Variants in MYO3B observed in about 807,000 individuals in gnomAD.
The protein encoded by MYO3B is myosin IIIB, also known as myosin-IIIb.
In MYO3B, 156 loss-of-function variants were observed where a neutral mutation model predicts 174.6. The observed-to-expected ratio is 0.89, with a 90% CI of 0.78 to 1.02. The LOEUF (loss-of-function observed/expected upper bound fraction) is 1.02. Ranked by LOEUF, MYO3B falls within the 50% of genes least tolerant of loss-of-function variation. The pLI, the probability that MYO3B is intolerant of heterozygous loss-of-function variation, is 0.00. For missense variants in MYO3B, 1,632 were observed against 1,639.4 expected, an observed-to-expected ratio of 1.00 and a Z score of 0.08; for synonymous variants, 563 against 569.1, an observed-to-expected ratio of 0.99 and a Z score of 0.15.
At chr2:170,512,484 G>C (rs547644804) in intron 28 of MYO3B, among the ~76,000 whole-genome samples, 2 of 152,318 alleles carry the variant, frequency 1.3e-5, no homozygotes, top group African/African-American at 4.8e-5. Flanking sequence ...GCCAGATACA[G>C]TGGGTGCCCT....
intron 7 of MYO3B, among the ~76,000 whole-genome samples, chr2:170,302,406 A>T (rs2093671655): frequency 6.6e-6 from 1 of 152,190 alleles, no homozygotes; most frequent in South Asian, 2.1e-4. Flanking sequence ...GTTTTCTGTA[A>T]TTGAAATGAC....
intron 24 of MYO3B, 118 bp downstream of exon 24, chr2:170,463,563 T>C (rs371150031): frequency 5.6e-6 from 5 of 895,432 alleles, no homozygotes; most frequent in Non-Finnish European, 8.7e-6. Flanking sequence ...TCAAGAAAGA[T>C]TGGGTTGGGG....
At chr2:170,566,300 C>T (rs971056578) in intron 32 of MYO3B, among the ~76,000 whole-genome samples, 5 of 152,186 alleles carry the variant, frequency 3.3e-5, no homozygotes, top group East Asian at 1.9e-4. Flanking sequence ...ATGATTATTT[C>T]GGGTTGAAAG....
chr2:170,625,481 T>A (rs779895221), intron 32 of MYO3B, among the ~76,000 whole-genome samples: 6 of 152,224 alleles, frequency 3.9e-5, no homozygotes, highest in Non-Finnish European at 8.8e-5. Flanking sequence ...TCTATCAATT[T>A]TGTTGATCTT....
chr2:170,564,437 C>T (rs1411893283), intron 32 of MYO3B, among the ~76,000 whole-genome samples: 1 of 152,206 alleles, frequency 6.6e-6, no homozygotes. Context: ...CGCACCACTG[C>T]ACTCCAGCCT....
chr2:170,365,254 T>C (rs1476614234), intron 8 of MYO3B, among the ~76,000 whole-genome samples: 1 of 152,288 alleles, frequency 6.6e-6, no homozygotes, highest in African/African-American at 2.4e-5. Context: ...TTTCCTCACC[T>C]CTTAAAAGAG....
intron 30 of MYO3B, among the ~76,000 whole-genome samples, chr2:170,532,271 C>G (rs1353004716): frequency 6.6e-6 from 1 of 152,154 alleles, no homozygotes; most frequent in Non-Finnish European, 1.5e-5. Flanking sequence ...TGAAACATGA[C>G]AGAAGACTGA....
intron 7 of MYO3B, among the ~76,000 whole-genome samples, chr2:170,243,545 G>A (rs2093159354): frequency 6.6e-6 from 1 of 152,202 alleles, no homozygotes; most frequent in Non-Finnish European, 1.5e-5. Flanking sequence ...GTCTGTGTGT[G>A]TCAGTGTCCT....
chr2:170,197,775 A>C (rs1389685405), intron 1 of MYO3B, among the ~76,000 whole-genome samples: 2 of 152,196 alleles, frequency 1.3e-5, no homozygotes, highest in African/African-American at 2.4e-5. Context: ...ATTGGAATTT[A>C]TTAACTATTT....
At chr2:170,202,294 G>T (rs957412687) in intron 3 of MYO3B, among the ~76,000 whole-genome samples, 33 of 152,170 alleles carry the variant, frequency 2.2e-4, no homozygotes, top group African/African-American at 8.0e-4. Context: ...TATGACTTTT[G>T]CTGGTTGTTT....
At chr2:170,418,012 G>A (rs1424497479) in intron 22 of MYO3B, among the ~76,000 whole-genome samples, 1 of 152,204 alleles carries the variant, frequency 6.6e-6, no homozygotes, top group Non-Finnish European at 1.5e-5. Flanking sequence ...AGGAGGGAGT[G>A]GGGCTGCCAA....
intron 32 of MYO3B, among the ~76,000 whole-genome samples, chr2:170,563,057 C>CACACAT (rs1355663550): frequency 6.7e-6 from 1 of 149,252 alleles, no homozygotes; most frequent in Non-Finnish European, 1.5e-5. Flanking sequence ...CACACACACA[C>CACACAT]ACACACTCTA....
chr2:170,368,201 T>C (rs907445155), intron 8 of MYO3B, among the ~76,000 whole-genome samples: 9 of 152,216 alleles, frequency 5.9e-5, no homozygotes, highest in Admixed American at 5.2e-4. Flanking sequence ...AAAAATACGT[T>C]GTATGTTAGA....
At chr2:170,306,427 G>C (rs1044452830) in intron 7 of MYO3B, among the ~76,000 whole-genome samples, 1 of 152,160 alleles carries the variant, frequency 6.6e-6, no homozygotes, top group Non-Finnish European at 1.5e-5. Context: ...AGAACCTAAA[G>C]TCAGACCATG....
chr2:170,207,222 A>C (rs535488786), intron 3 of MYO3B, among the ~76,000 whole-genome samples: 1 of 151,994 alleles, frequency 6.6e-6, no homozygotes, highest in African/African-American at 2.4e-5. Flanking sequence ...TGTCCTCTTA[A>C]TCTCCCCTAA....
chr2:170,352,775 G>C (rs765139422), intron 8 of MYO3B, among the ~76,000 whole-genome samples: 1 of 152,166 alleles, frequency 6.6e-6, no homozygotes, highest in African/African-American at 2.4e-5. Context: ...TTGTTTACTC[G>C]TTTGGGATAG....
chr2:170,188,529 G>A (rs1436934881), intron 1 of MYO3B, among the ~76,000 whole-genome samples: 1 of 152,042 alleles, frequency 6.6e-6, no homozygotes, highest in East Asian at 1.9e-4. Flanking sequence ...GATTGTGTTT[G>A]TGGTTATCTC....
intron 30 of MYO3B, among the ~76,000 whole-genome samples, chr2:170,526,511 AT>A (rs1689010951): frequency 2.0e-5 from 3 of 152,172 alleles, no homozygotes; most frequent in Non-Finnish European, 4.4e-5. Context: ...TTAGAGACAA[AT>A]TTTATTTTCT....
chr2:170,360,497 A>G (rs1433460636), intron 8 of MYO3B, among the ~76,000 whole-genome samples: 1 of 152,202 alleles, frequency 6.6e-6, no homozygotes, highest in African/African-American at 2.4e-5. Context: ...TCTACTATCA[A>G]ACAGAAATTT....
Sources: gnomAD v4.1 joint callset for allele counts (sites outside exome capture counted in the v4.1 genomes callset) on GRCh38, gnomAD v4.1.1 for gene constraint, MANE v1.5 for transcripts, NCBI Gene and HGNC (gene_info 2026-07-23, HGNC 2026-07-21) for gene names.